Variants in GFRA1 observed in about 807,000 individuals in gnomAD.
GFRA1 encodes GDNF family receptor alpha 1.
In GFRA1, 16 loss-of-function variants were observed where a neutral mutation model predicts 51.6. The observed-to-expected ratio is 0.31, with a 90% confidence interval of 0.21 to 0.47. The LOEUF is 0.47. Ranked by LOEUF, GFRA1 falls within the 20% of genes least tolerant of loss-of-function variation. GFRA1 has a pLI of 1.00. For synonymous variants in GFRA1, 270 were observed against 241.3 expected, an observed-to-expected ratio of 1.12 and a Z score of -1.10; for missense variants, 530 against 594.3, an observed-to-expected ratio of 0.89 and a Z score of 1.13.
At chr10:116,245,548 T>A (rs1332387886) in intron 4 of GFRA1, among the ~76,000 whole-genome samples, 1 of 152,140 alleles carries the variant, frequency 6.6e-6, no homozygotes, top group African/African-American at 2.4e-5. Flanking sequence ...AACATAGACT[T>A]TAAATATGAT....
At chr10:116,145,468 G>T (rs114836851) in intron 5 of GFRA1, among the ~76,000 whole-genome samples, 4,747 of 152,142 alleles carry the variant, frequency 0.031, 246 homozygotes, top group African/African-American at 0.11. Flanking sequence ...ACTTAGCAGT[G>T]TATTATTTAA....
intron 4 of GFRA1, among the ~76,000 whole-genome samples, chr10:116,268,824 G>A (rs548362087): frequency 6.6e-6 from 1 of 152,280 alleles, no homozygotes; most frequent in Admixed American, 6.5e-5. Flanking sequence ...GAATGCAGAT[G>A]TTACAAAAAA....
intron 5 of GFRA1, among the ~76,000 whole-genome samples, chr10:116,169,524 C>T (rs975314322): frequency 1.1e-4 from 16 of 152,172 alleles, no homozygotes; most frequent in African/African-American, 3.6e-4. Context: ...AGGAGCAGAG[C>T]GCTGTGGCAG....
At chr10:116,204,931 AAAG>A (rs1430231326) in intron 5 of GFRA1, among the ~76,000 whole-genome samples, 3 of 152,180 alleles carry the variant, frequency 2.0e-5, no homozygotes, top group Non-Finnish European at 4.4e-5. Flanking sequence ...AAGGAGGAGG[AAAG>A]TAACCACACC....
chr10:116,102,564 C>T (rs1956858449), intron 6 of GFRA1, among the ~76,000 whole-genome samples: 1 of 152,302 alleles, frequency 6.6e-6, no homozygotes, highest in South Asian at 2.1e-4. Context: ...ATTCACAGTT[C>T]CACATGGTGC....
intron 5 of GFRA1, among the ~76,000 whole-genome samples, 195 bp from the exon 6 acceptor site, chr10:116,125,752 A>G (rs1481059570): frequency 6.6e-6 from 1 of 152,252 alleles, no homozygotes; most frequent in East Asian, 1.9e-4. Flanking sequence ...AGTCTACGGC[A>G]GCACAAAAGC....
chr10:116,102,392 G>A (rs921526506), intron 6 of GFRA1, among the ~76,000 whole-genome samples: 25 of 152,222 alleles, frequency 1.6e-4, no homozygotes, highest in Non-Finnish European at 1.0e-4. Context: ...AGGGTAGTGA[G>A]TCTATCAGTG....
In GFRA1 at chr10:116,199,177, T is replaced by C. The variant is rs778415398; in HGVS notation, c.433+12454A>G. ...GTGAGGGAATAGATTTCTGTTGCTT[T>C]ACACCACCTCGTTTGTAATCCTTTA... On this transcript the variant is annotated intron_variant, in intron 5 of 10. Transcript: ENST00000355422. Among the ~76,000 whole-genome samples, 17 of 152,348 alleles carry C rather than the reference T, an allele frequency of 1.1e-4. 1 individual carries two copies. The highest frequency in any genetic ancestry group is 3.4e-3 in the Middle Eastern group (1 of 294).
intron 3 of GFRA1, 108 bp downstream of exon 3, chr10:116,270,714 G>C: frequency 2.2e-6 from 2 of 901,698 alleles, no homozygotes; most frequent in Non-Finnish European, 3.5e-6. Context: ...TCCTCACTCT[G>C]CAGCTGGGGA....
chr10:116,064,115 A>G lies in GFRA1; in HGVS notation c.*283T>C. 5.9e-6 allele frequency: 2 copies of G among 336,986 alleles called. No homozygotes were observed. Among genetic ancestry groups the G allele is most frequent in the Non-Finnish European group, 1.1e-5 (2 of 179,530 alleles). The allele number at this position is 336,986 out of a possible 1,614,324, so 20.9% of individuals were successfully genotyped here. ...TGATCATCATCATCATCGAAAACAC[A>G]GCCCCAGTTTGCTTTACAGCCCAAG... On this transcript the variant is annotated 3_prime_UTR_variant, in exon 11 of 11. Coordinates refer to ENST00000355422, the MANE Select transcript of GFRA1 (RefSeq NM_005264.8).
At chr10:116,152,451 G>T (rs1959100317) in intron 5 of GFRA1, among the ~76,000 whole-genome samples, 1 of 152,144 alleles carries the variant, frequency 6.6e-6, no homozygotes, top group South Asian at 2.1e-4. Context: ...GGAGCAGGTG[G>T]TGTCACATGG....
chr10:116,160,090 G>T (rs1402202487), intron 5 of GFRA1, among the ~76,000 whole-genome samples: 1 of 152,152 alleles, frequency 6.6e-6, no homozygotes, highest in Non-Finnish European at 1.5e-5. Flanking sequence ...CGAATCCATT[G>T]TGAGAACTGT....
intron 6 of GFRA1, among the ~76,000 whole-genome samples, chr10:116,121,701 A>G (rs973792809): frequency 6.6e-6 from 1 of 152,222 alleles, no homozygotes; most frequent in Non-Finnish European, 1.5e-5. Context: ...TTCGAAGAAT[A>G]TGGTTTTTAG....
rs891114522 is a variant in GFRA1 at position 116,144,543 on chromosome 10, CATAAT to C, written c.434-18991_434-18987del. On this transcript the variant is annotated intron_variant, in intron 5 of 10. Transcript: ENST00000355422. Reference sequence around the variant, plus strand: ...TACACCCAAGGAATGATATAGATATCATAATATAATATTCATAATCTATATGTATG... The same window carrying C: ...TACACCCAAGGAATGATATAGATATCATAATATTCATAATCTATATGTATG... Among the ~76,000 whole-genome samples, 8 of 151,712 alleles carry C rather than the reference CATAAT, an allele frequency of 5.3e-5. No individual in the cohort carries two copies. In the East Asian group the frequency reaches 1.4e-3, roughly 26 times the overall value.
At chr10:116,117,230 G>A (rs969666301) in intron 6 of GFRA1, among the ~76,000 whole-genome samples, 1 of 152,080 alleles carries the variant, frequency 6.6e-6, no homozygotes, top group Non-Finnish European at 1.5e-5. Flanking sequence ...CGTTGTTGTT[G>A]TTTTGTTTTC....
chr10:116,169,442 G>A (rs148819969), intron 5 of GFRA1, among the ~76,000 whole-genome samples: 1,920 of 152,280 alleles, frequency 0.013, 45 homozygotes, highest in African/African-American at 0.044. Flanking sequence ...CTGTTTTCCC[G>A]CCCGAATGTT....
intron 4 of GFRA1, among the ~76,000 whole-genome samples, chr10:116,231,833 C>A (rs897544817): frequency 6.6e-6 from 1 of 152,152 alleles, no homozygotes; most frequent in African/African-American, 2.4e-5. Flanking sequence ...CTAAATCGAC[C>A]CGGGCACACA....
chr10:116,125,015 T>C (rs965835908), intron 6 of GFRA1, among the ~76,000 whole-genome samples: 1 of 152,176 alleles, frequency 6.6e-6, no homozygotes, highest in Non-Finnish European at 1.5e-5. Context: ...AGATGGGAAC[T>C]TTCCCCAGCA....
intron 4 of GFRA1, among the ~76,000 whole-genome samples, chr10:116,228,980 C>CAAAAAAAAAAAAAA (rs57618028): frequency 3.8e-5 from 2 of 52,868 alleles, no homozygotes; most frequent in Non-Finnish European, 6.8e-5. Flanking sequence ...TACTCCATCT[C>CAAAAAAAAAAAAAA]AAAAAAAAAA....
Sources: gnomAD v4.1 joint callset for allele counts (sites outside exome capture counted in the v4.1 genomes callset) on GRCh38, gnomAD v4.1.1 for gene constraint, MANE v1.5 for transcripts, NCBI Gene and HGNC (gene_info 2026-07-23, HGNC 2026-07-21) for gene names.